The following ARHGAP15 variants were observed in gnomAD, a reference collection of about 807,000 sequenced individuals.
ARHGAP15 encodes the protein Rho GTPase activating protein 15.
A neutral mutation model predicts 63.7 loss-of-function variants in ARHGAP15; 51 were observed. The ratio of observed to expected loss-of-function variants is 0.80; its 90% CI spans 0.64 to 1.01. The LOEUF (loss-of-function observed/expected upper bound fraction) is 1.01. Among genes scored for constraint, ARHGAP15 ranks in the 50% least tolerant of loss-of-function variants. The pLI, the probability that ARHGAP15 is intolerant of heterozygous loss-of-function variation, is 0.00. For synonymous variants in ARHGAP15, 191 were observed against 193.8 expected (o/e 0.99, Z 0.12); for missense variants, 560 against 564.6 (o/e 0.99, Z 0.08).
chr2:143,331,147 CT>C (rs1684529981), intron 6 of ARHGAP15, among the ~76,000 whole-genome samples: 1 of 152,120 alleles, frequency 6.6e-6, no homozygotes. Flanking sequence ...CCAGAGTTGT[CT>C]TTTACTTTAT....
At chr2:143,230,391 G>T (rs1477316241) in intron 5 of ARHGAP15, among the ~76,000 whole-genome samples, 2 of 151,976 alleles carry the variant, frequency 1.3e-5, no homozygotes, top group Non-Finnish European at 2.9e-5. Flanking sequence ...CTTTTTGATT[G>T]CAGGCAAATC....
chr2:143,354,480 G>T (rs982581638), intron 6 of ARHGAP15, among the ~76,000 whole-genome samples: 1 of 152,008 alleles, frequency 6.6e-6, no homozygotes, highest in Non-Finnish European at 1.5e-5. Flanking sequence ...AGAAACGGAA[G>T]GCACCAGTTT....
At chr2:143,143,495 A>T (rs528041192) in intron 1 of ARHGAP15, among the ~76,000 whole-genome samples, 3 of 151,902 alleles carry the variant, frequency 2.0e-5, no homozygotes, top group African/African-American at 7.2e-5. Flanking sequence ...GCCTGAGGAT[A>T]CATAATTTTG....
intron 6 of ARHGAP15, among the ~76,000 whole-genome samples, chr2:143,317,728 T>C (rs1683785427): frequency 6.6e-6 from 1 of 152,042 alleles, no homozygotes; most frequent in African/African-American, 2.4e-5. Context: ...TTCATAACCG[T>C]GGTTTGGGGG....
chr2:143,322,740 C>T (rs903806807), intron 6 of ARHGAP15, among the ~76,000 whole-genome samples: 18 of 152,158 alleles, frequency 1.2e-4, no homozygotes, highest in African/African-American at 3.6e-4. Flanking sequence ...GTTTACTTCC[C>T]GTCTGAGTTG....
chr2:143,443,431 C>T (rs78824006), intron 8 of ARHGAP15, among the ~76,000 whole-genome samples: 1,444 of 57,964 alleles, frequency 0.025, 22 homozygotes, highest in African/African-American at 0.062. Flanking sequence ...GTCACTCACC[C>T]TTTTTTTTTT....
chr2:143,407,680 G>T lies in ARHGAP15; in HGVS notation c.475-27921G>T, dbSNP rs182467319. On this transcript the variant is annotated intron_variant, in intron 6 of 13. Coordinates refer to ENST00000295095, the MANE Select transcript of ARHGAP15 (RefSeq NM_018460.4). Reference sequence around the variant, plus strand: ...ATCCAATATTCTCTTCAAAATCTTTGATTTCATTTTTTTTATTTTGTGTAT... The same window carrying T: ...ATCCAATATTCTCTTCAAAATCTTTTATTTCATTTTTTTTATTTTGTGTAT... Among the ~76,000 whole-genome samples the T allele has an allele frequency of 2.6e-3, 390 of 151,446 alleles. 1 individual carries two copies. The highest frequency in any genetic ancestry group is 9.0e-3 in the African/African-American group (371 of 41,394).
intron 1 of ARHGAP15, among the ~76,000 whole-genome samples, chr2:143,134,727 C>T (rs566081090): frequency 7.3e-4 from 110 of 151,046 alleles, no homozygotes; most frequent in South Asian, 1.9e-3. Flanking sequence ...CTCGGCCTCC[C>T]GGGTTCATGC....
intron 1 of ARHGAP15, among the ~76,000 whole-genome samples, chr2:143,143,049 C>T (rs540731163): frequency 6.6e-6 from 1 of 152,194 alleles, no homozygotes; most frequent in African/African-American, 2.4e-5. Flanking sequence ...AGAAATTTGG[C>T]TACACTAATT....
chr2:143,446,481 G>A (rs1392690887), intron 8 of ARHGAP15, among the ~76,000 whole-genome samples: 2 of 151,998 alleles, frequency 1.3e-5, no homozygotes, highest in African/African-American at 4.8e-5. Flanking sequence ...TATTGACTCT[G>A]GTTAACATAT....
intron 6 of ARHGAP15, among the ~76,000 whole-genome samples, chr2:143,420,289 GAA>G (rs1319857773): frequency 2.0e-5 from 3 of 152,142 alleles, no homozygotes; most frequent in Non-Finnish European, 4.4e-5. Flanking sequence ...CATGGGGAAA[GAA>G]AGGGATGAAC....
intron 6 of ARHGAP15, among the ~76,000 whole-genome samples, chr2:143,372,781 A>T (rs1182584583): frequency 6.6e-6 from 1 of 152,178 alleles, no homozygotes; most frequent in East Asian, 1.9e-4. Flanking sequence ...GTCAGTTAAC[A>T]TGTATTAAAT....
chr2:143,243,684 T>C (rs1420456441), intron 5 of ARHGAP15, among the ~76,000 whole-genome samples: 5 of 152,142 alleles, frequency 3.3e-5, no homozygotes, highest in Non-Finnish European at 7.4e-5. Context: ...AAAATCTTGA[T>C]TGTCTTCCGA....
chr2:143,195,035 A>G lies in ARHGAP15; in HGVS notation c.166-7099A>G, dbSNP rs371299370. 1.1e-3 allele frequency among the ~76,000 whole-genome samples: 167 copies of G among 152,314 alleles called. 4 individuals carry two copies. In the South Asian group the frequency reaches 0.026, roughly 24 times the overall value. On this transcript the variant is annotated intron_variant, in intron 2 of 13. Transcript: ENST00000295095. The stretch of plus-strand genomic sequence containing the variant: ...GGCTGGTGGGCACTGCAGGTGATGC[A>G]GATGTTTATAAAAAAAAATCCACAC...
chr2:143,432,563 G>A (rs1395082635), intron 6 of ARHGAP15, among the ~76,000 whole-genome samples: 3 of 151,908 alleles, frequency 2.0e-5, no homozygotes, highest in Non-Finnish European at 4.4e-5. Context: ...CTAAGCCCAC[G>A]TGAAAACTAT....
At chr2:143,687,907 A>T (rs547886146) in intron 12 of ARHGAP15, among the ~76,000 whole-genome samples, 5 of 152,332 alleles carry the variant, frequency 3.3e-5, no homozygotes, top group Non-Finnish European at 5.9e-5. Flanking sequence ...TTAACTGCTT[A>T]GCAAAATTAT....
intron 6 of ARHGAP15, among the ~76,000 whole-genome samples, chr2:143,273,489 G>A (rs1481542399): frequency 2.0e-5 from 3 of 151,990 alleles, no homozygotes; most frequent in Non-Finnish European, 2.9e-5. Flanking sequence ...ATCATAAATT[G>A]GAGAATATCT....
At chr2:143,255,809 C>T (rs78929124) in intron 6 of ARHGAP15, among the ~76,000 whole-genome samples, 93 of 152,196 alleles carry the variant, frequency 6.1e-4, no homozygotes, top group Middle Eastern at 3.4e-3. Context: ...TCCAGTAAAG[C>T]TGGTTTCACT....
intron 6 of ARHGAP15, among the ~76,000 whole-genome samples, chr2:143,421,636 T>G (rs1290457209): frequency 6.6e-6 from 1 of 151,264 alleles, no homozygotes; most frequent in Non-Finnish European, 1.5e-5. Flanking sequence ...ATGAAATCAA[T>G]TAAAGAAAAA....
Sources: allele counts gnomAD v4.1 joint callset (sites outside exome capture counted in the v4.1 genomes callset), GRCh38; gene constraint gnomAD v4.1.1; transcripts MANE v1.5; gene names NCBI Gene and HGNC (gene_info 2026-07-23, HGNC 2026-07-21).